The following PTPRD variants were observed in gnomAD, a reference collection of about 807,000 sequenced individuals.
PTPRD encodes the protein protein tyrosine phosphatase receptor type D, also known as receptor-type tyrosine-protein phosphatase delta.
Under a neutral mutation model 214.5 loss-of-function variants are expected in PTPRD, and 34 were observed. The ratio of observed to expected loss-of-function variants is 0.16; its 90% confidence interval spans 0.12 to 0.21. The LOEUF (loss-of-function observed/expected upper bound fraction) is 0.21, where lower values mean the gene tolerates loss of function less well. Ranked by LOEUF, PTPRD falls within the 10% of genes least tolerant of loss-of-function variation. The pLI is 1.00. For synonymous variants in PTPRD, 1,128 were observed against 845.7 expected (o/e 1.33, Z -5.79); for missense variants, 2,545 against 2,398.7 (o/e 1.06, Z -1.27).
chr9:10,573,784 G>A (rs193184769), intron 2 of PTPRD, among the ~76,000 whole-genome samples: 1 of 152,094 alleles, frequency 6.6e-6, no homozygotes, highest in African/African-American at 2.4e-5. Flanking sequence ...GAAGGAGTAG[G>A]AAAGAGAAGA....
At chr9:9,556,295 T>C (rs958441724) in intron 8 of PTPRD, among the ~76,000 whole-genome samples, 6 of 151,978 alleles carry the variant, frequency 3.9e-5, no homozygotes, top group Non-Finnish European at 7.4e-5. Flanking sequence ...ACTGAGTAAG[T>C]TGAAGAAAGG....
At chr9:10,145,939 G>T (rs558229583) in intron 3 of PTPRD, among the ~76,000 whole-genome samples, 2 of 151,192 alleles carry the variant, frequency 1.3e-5, no homozygotes, top group South Asian at 4.2e-4. Flanking sequence ...GTATATGTAT[G>T]CATGTTTATA....
At chr9:9,518,528 A>G (rs950897730) in intron 8 of PTPRD, among the ~76,000 whole-genome samples, 6 of 152,078 alleles carry the variant, frequency 3.9e-5, no homozygotes, top group African/African-American at 1.4e-4. Flanking sequence ...GGGTAGGTCA[A>G]TGCAGAAATT....
intron 9 of PTPRD, among the ~76,000 whole-genome samples, chr9:9,316,136 C>T (rs1014122228): frequency 4.6e-5 from 7 of 151,920 alleles, no homozygotes; most frequent in Non-Finnish European, 7.4e-5. Context: ...CATCTTTCAT[C>T]TTATACCACT....
At chr9:8,885,712 G>A (rs949639573) in intron 11 of PTPRD, among the ~76,000 whole-genome samples, 1 of 151,834 alleles carries the variant, frequency 6.6e-6, no homozygotes, top group Admixed American at 6.6e-5. Flanking sequence ...GGCCAGGCTG[G>A]TCTTGAACTC....
intron 3 of PTPRD, among the ~76,000 whole-genome samples, chr9:10,306,413 T>C (rs1447404302): frequency 6.6e-6 from 1 of 151,936 alleles, no homozygotes; most frequent in African/African-American, 2.4e-5. Flanking sequence ...CCCCAAAACT[T>C]AAAGTATAAT....
chr9:9,679,179 C>T (rs1382772607), intron 7 of PTPRD, among the ~76,000 whole-genome samples: 1 of 150,658 alleles, frequency 6.6e-6, no homozygotes, highest in East Asian at 2.0e-4. Context: ...CCAGAACAAT[C>T]TAAAGATAGC....
In PTPRD at chr9:9,493,806, A is replaced by AAAAAG. The variant is rs1555480380; in HGVS notation, c.-237+80921_-237+80925dup. Among the ~76,000 whole-genome samples the AAAAAG allele has an allele frequency of 7.6e-3, 1,094 of 143,518 alleles. 16 individuals carry two copies. The highest frequency in any genetic ancestry group is 0.016 in the South Asian group (70 of 4,336). 94.2% of individuals were successfully genotyped at this position (143,518 alleles called of 152,430 possible). ...CCGTCTCAAAAAAAAAAAAAAAAAA[A>AAAAAG]AAAAGAAAAGAAAAGAAAAGAAATA... is the stretch of plus-strand genomic sequence containing the variant. On this transcript the variant is annotated intron_variant, in intron 8 of 45. Coordinates refer to ENST00000381196, the MANE Select transcript of PTPRD (RefSeq NM_002839.4).
chr9:9,320,877 G>C (rs1373145502), intron 9 of PTPRD, among the ~76,000 whole-genome samples: 1 of 152,022 alleles, frequency 6.6e-6, no homozygotes, highest in East Asian at 1.9e-4. Flanking sequence ...TTTGTATTTT[G>C]TCCAAAAGCC....
At chr9:9,137,517 T>G (rs10977521) in intron 10 of PTPRD, among the ~76,000 whole-genome samples, 7,995 of 152,182 alleles carry the variant, frequency 0.053, 471 homozygotes, top group African/African-American at 0.14. Context: ...TCTTAATATC[T>G]CCAAAGTTAT....
chr9:9,055,029 G>A (rs111777115), intron 10 of PTPRD, among the ~76,000 whole-genome samples: 7 of 152,154 alleles, frequency 4.6e-5, no homozygotes, highest in African/African-American at 1.7e-4. Context: ...TGCAAGGACT[G>A]AAACTTGTCA....
chr9:9,157,791 G>T (rs534457933), intron 10 of PTPRD, among the ~76,000 whole-genome samples: 1 of 152,040 alleles, frequency 6.6e-6, no homozygotes, highest in East Asian at 1.9e-4. Flanking sequence ...CGTGTGCCAC[G>T]GTGGTTTACT....
intron 4 of PTPRD, among the ~76,000 whole-genome samples, chr9:9,963,740 T>A (rs919214668): frequency 6.6e-6 from 1 of 151,982 alleles, no homozygotes; most frequent in Non-Finnish European, 1.5e-5. Context: ...ACTAAAAGCT[T>A]TAGAGGTGAT....
rs116361362 is a variant in PTPRD at position 8,317,427 on chromosome 9, A to G, written c.*447T>C. On this transcript the variant is annotated 3_prime_UTR_variant, in exon 46 of 46. Transcript: ENST00000381196. ...CCCTCCCCTTTCCCCCTAAAATGTT[A>G]TTATGAGCAGTATGGTGGGAAGGGG... 1,080 of 234,724 alleles carry G rather than the reference A, an allele frequency of 4.6e-3. 18 individuals are homozygous for G. Among genetic ancestry groups the G allele is most frequent in the African/African-American group, 0.022 (1,008 of 45,370 alleles). The allele number at this position is 234,724 out of a possible 1,614,324, so 14.5% of individuals were successfully genotyped here.
At chr9:10,148,473 TC>T (rs1462082066) in intron 3 of PTPRD, among the ~76,000 whole-genome samples, 1 of 152,080 alleles carries the variant, frequency 6.6e-6, no homozygotes, top group Non-Finnish European at 1.5e-5. Context: ...ATTAGGCAGC[TC>T]TCTGATTTTA....
chr9:9,302,508 C>T (rs1242617901), intron 9 of PTPRD, among the ~76,000 whole-genome samples: 1 of 151,250 alleles, frequency 6.6e-6, no homozygotes, highest in East Asian at 1.9e-4. Context: ...TTGATTCCTG[C>T]TTATATTTCC....
At chr9:8,423,412 C>T (rs113267936) in intron 35 of PTPRD, among the ~76,000 whole-genome samples, 1 of 152,152 alleles carries the variant, frequency 6.6e-6, no homozygotes, top group African/African-American at 2.4e-5. Flanking sequence ...TCTGATTGTA[C>T]AGTAACAGCT....
chr9:10,015,163 C>T (rs1260051339), intron 4 of PTPRD, among the ~76,000 whole-genome samples: 1 of 152,012 alleles, frequency 6.6e-6, no homozygotes, highest in Non-Finnish European at 1.5e-5. Flanking sequence ...GGCTTAATGG[C>T]TTGGGAAATG....
At chr9:9,750,865 A>G (rs1041743609) in intron 6 of PTPRD, among the ~76,000 whole-genome samples, 4 of 152,094 alleles carry the variant, frequency 2.6e-5, no homozygotes, top group Non-Finnish European at 5.9e-5. Context: ...GTTCTGCCCT[A>G]TTCCATTTCT....
Sources: gnomAD v4.1 joint callset for allele counts (sites outside exome capture counted in the v4.1 genomes callset) on GRCh38, gnomAD v4.1.1 for gene constraint, MANE v1.5 for transcripts, NCBI Gene and HGNC (gene_info 2026-07-23, HGNC 2026-07-21) for gene names.